The following ROBO2 variants were observed in gnomAD, a reference collection of about 807,000 sequenced individuals.
ROBO2 encodes roundabout homolog 2.
Under a neutral mutation model 160.8 loss-of-function variants are expected in ROBO2, and 53 were observed. That is an observed-to-expected ratio of 0.33 (90% CI 0.26 to 0.41). The LOEUF (loss-of-function observed/expected upper bound fraction) is 0.41, where lower values mean the gene tolerates loss of function less well. ROBO2 is among the 10% of genes least tolerant of loss of function. ROBO2 has a pLI of 1.00. For synonymous variants in ROBO2, 664 were observed against 611.7 expected, an observed-to-expected ratio of 1.09 and a Z score of -1.26; for missense variants, 1,577 against 1,722.4, an observed-to-expected ratio of 0.92 and a Z score of 1.49.
chr3:77,315,412 C>T (rs771711579), intron 2 of ROBO2, among the ~76,000 whole-genome samples: 1 of 152,182 alleles, frequency 6.6e-6, no homozygotes, highest in Non-Finnish European at 1.5e-5. Flanking sequence ...TTTACTTAAT[C>T]AAATTTTACA....
At chr3:75,945,745 C>T (rs78846329) in intron 2 of ROBO2, among the ~76,000 whole-genome samples, 1 of 152,010 alleles carries the variant, frequency 6.6e-6, no homozygotes, top group Non-Finnish European at 1.5e-5. Context: ...TGCAATTTAG[C>T]ATAATGCATA....
intron 2 of ROBO2, among the ~76,000 whole-genome samples, chr3:77,254,942 T>C (rs2090768327): frequency 6.6e-6 from 1 of 152,220 alleles, no homozygotes; most frequent in African/African-American, 2.4e-5. Flanking sequence ...GTTTTGTGTG[T>C]AATAGGGGCA....
intron 1 of ROBO2, among the ~76,000 whole-genome samples, chr3:75,922,831 G>A (rs1947124312): frequency 6.6e-6 from 1 of 152,030 alleles, no homozygotes; most frequent in South Asian, 2.1e-4. Flanking sequence ...TCGTATTGAG[G>A]GAAAACTGAC....
chr3:77,120,772 T>C (rs1238534154), intron 2 of ROBO2, among the ~76,000 whole-genome samples: 1 of 152,080 alleles, frequency 6.6e-6, no homozygotes, highest in Admixed American at 6.6e-5. Flanking sequence ...AAAAAGCAAC[T>C]GAGCAGCTTT....
At chr3:76,272,891 A>C (rs1258589582) in intron 2 of ROBO2, among the ~76,000 whole-genome samples, 1 of 56,680 alleles carries the variant, frequency 1.8e-5, no homozygotes, top group Admixed American at 3.1e-4. Flanking sequence ...TTTATATATA[A>C]AAATATAATA....
chr3:77,330,455 T>C, intron 2 of ROBO2, among the ~76,000 whole-genome samples: 1 of 152,220 alleles, frequency 6.6e-6, no homozygotes, highest in South Asian at 2.1e-4. Context: ...GAGGTGGAGG[T>C]TGCTTTCAGC....
intron 2 of ROBO2, among the ~76,000 whole-genome samples, chr3:77,148,326 G>T (rs545306511): frequency 6.6e-6 from 1 of 152,292 alleles, no homozygotes; most frequent in East Asian, 1.9e-4. Context: ...TTAAGCAGAG[G>T]ACATACTGTG....
chr3:76,980,840 C>T (rs2060061258), intron 2 of ROBO2, among the ~76,000 whole-genome samples: 1 of 152,084 alleles, frequency 6.6e-6, no homozygotes, highest in African/African-American at 2.4e-5. Context: ...ATCCCTAATC[C>T]TCTCTCCCTC....
intron 2 of ROBO2, among the ~76,000 whole-genome samples, chr3:76,201,514 C>A (rs1426304635): frequency 6.6e-6 from 1 of 152,150 alleles, no homozygotes; most frequent in Admixed American, 6.5e-5. Flanking sequence ...AATGTGCCAT[C>A]ATTGTTGAAC....
chr3:77,040,418 C>T (rs879546121), exon 1 of ROBO2: 1 of 1,044,852 alleles, frequency 9.6e-7, no homozygotes. Flanking sequence ...TTTTCCTCCC[C>T]CTTCATCATC....
chr3:76,191,733 A>T (rs937125696), intron 2 of ROBO2, among the ~76,000 whole-genome samples: 5 of 147,896 alleles, frequency 3.4e-5, no homozygotes, highest in Admixed American at 2.0e-4. Flanking sequence ...GATTTTTTTT[A>T]AAAAAGAAGG....
intron 2 of ROBO2, among the ~76,000 whole-genome samples, chr3:76,510,617 G>C (rs1396336155): frequency 6.6e-6 from 1 of 152,078 alleles, no homozygotes; most frequent in Non-Finnish European, 1.5e-5. Flanking sequence ...CCAGCTACTT[G>C]GGAGGCTGAG....
chr3:76,690,021 C>T (rs2092768222), intron 2 of ROBO2, among the ~76,000 whole-genome samples: 1 of 152,064 alleles, frequency 6.6e-6, no homozygotes. Context: ...TAAGGTGCCA[C>T]AAGAATACAT....
intron 2 of ROBO2, among the ~76,000 whole-genome samples, chr3:76,515,846 A>G (rs931559628): frequency 2.0e-5 from 3 of 152,030 alleles, no homozygotes; most frequent in African/African-American, 7.2e-5. Context: ...GAAAACCTAA[A>G]CTGTTTTCAA....
intron 5 of ROBO2, among the ~76,000 whole-genome samples, chr3:77,501,477 G>A (rs1264729930): frequency 6.6e-6 from 1 of 152,100 alleles, no homozygotes; most frequent in Non-Finnish European, 1.5e-5. Flanking sequence ...TGTAACATAA[G>A]GCTGAAAGGT....
chr3:76,307,851 A>G (rs1419674519), intron 2 of ROBO2, among the ~76,000 whole-genome samples: 2 of 152,228 alleles, frequency 1.3e-5, no homozygotes, highest in Middle Eastern at 3.4e-3. Flanking sequence ...AACCTCACAT[A>G]TATTGAGCAT....
intron 22 of ROBO2, among the ~76,000 whole-genome samples, chr3:77,621,443 A>G (rs2094898552): frequency 6.6e-6 from 1 of 151,920 alleles, no homozygotes; most frequent in Non-Finnish European, 1.5e-5. Flanking sequence ...AATTAAATAA[A>G]TAAATAAATA....
At chr3:75,998,276 T>C (rs1240128169) in intron 2 of ROBO2, among the ~76,000 whole-genome samples, 1 of 152,220 alleles carries the variant, frequency 6.6e-6, no homozygotes, top group Non-Finnish European at 1.5e-5. Context: ...TTAATTTGAA[T>C]TTTATTGCCC....
intron 2 of ROBO2, among the ~76,000 whole-genome samples, chr3:77,208,435 A>C (rs2083695377): frequency 6.6e-6 from 1 of 152,150 alleles, no homozygotes; most frequent in South Asian, 2.1e-4. Context: ...AGTTGCAACC[A>C]ATAGATACAG....
Sources: allele counts gnomAD v4.1 joint callset (sites outside exome capture counted in the v4.1 genomes callset), GRCh38; gene constraint gnomAD v4.1.1; transcripts MANE v1.5; gene names NCBI Gene and HGNC (gene_info 2026-07-23, HGNC 2026-07-21).